The following ZMAT4 variants were observed in gnomAD, a reference collection of about 807,000 sequenced individuals.
ZMAT4 encodes the protein zinc finger matrin-type protein 4.
A neutral mutation model predicts 28.7 loss-of-function variants in ZMAT4; 17 were observed. The observed-to-expected ratio is 0.59, with a 90% CI of 0.41 to 0.89. ZMAT4 has a LOEUF of 0.89. Among genes scored for constraint, ZMAT4 ranks in the 40% least tolerant of loss-of-function variants. The pLI, the probability that ZMAT4 is intolerant of heterozygous loss-of-function variation, is 0.00. For synonymous variants in ZMAT4, 117 were observed against 109.2 expected (o/e 1.07, Z -0.44); for missense variants, 240 against 283.8 (o/e 0.85, Z 1.11).
chr8:40,892,402 C>G (rs1586236422), intron 1 of ZMAT4, among the ~76,000 whole-genome samples: 2 of 152,314 alleles, frequency 1.3e-5, no homozygotes, highest in Non-Finnish European at 2.9e-5. Flanking sequence ...GATGGGTCAG[C>G]AGCCCCTCCC....
rs78307607 is a variant in ZMAT4 at position 40,687,811 on chromosome 8, C to T, written c.349+9434G>A. Among the ~76,000 whole-genome samples the T allele has an allele frequency of 9.7e-3, 1,471 of 152,286 alleles. 13 individuals are homozygous for T. The highest frequency in any genetic ancestry group is 0.032 in the African/African-American group (1,316 of 41,558). ...AGGCATTAAGATTTCATCTGCTCTG[C>T]AGAGTGAAATGCAAAATGAAGATGC... On this transcript the variant is annotated intron_variant, in intron 4 of 6. Transcript: ENST00000297737.
At chr8:40,697,707 C>G (rs556779340) in intron 3 of ZMAT4, among the ~76,000 whole-genome samples, 1 of 151,096 alleles carries the variant, frequency 6.6e-6, no homozygotes, top group East Asian at 2.0e-4. Context: ...TATCCCTCCC[C>G]TAGCCCCCCC....
chr8:40,559,519 C>T (rs1803660614), intron 6 of ZMAT4, among the ~76,000 whole-genome samples: 1 of 152,154 alleles, frequency 6.6e-6, no homozygotes, highest in South Asian at 2.1e-4. Flanking sequence ...TAGCACAAAT[C>T]CTTGTGCCTC....
chr8:40,847,841 G>C (rs1002261011), intron 1 of ZMAT4, among the ~76,000 whole-genome samples: 3 of 152,166 alleles, frequency 2.0e-5, no homozygotes, highest in Non-Finnish European at 2.9e-5. Flanking sequence ...TAATCAAACC[G>C]ATGTCTGCAG....
intron 2 of ZMAT4, among the ~76,000 whole-genome samples, chr8:40,820,256 G>C (rs117117407): frequency 2.0e-5 from 3 of 148,932 alleles, no homozygotes; most frequent in Non-Finnish European, 4.5e-5. Context: ...ATATATGTGA[G>C]TATTGGTGTG....
chr8:40,683,005 C>T (rs1017004587), intron 4 of ZMAT4, among the ~76,000 whole-genome samples: 2 of 152,038 alleles, frequency 1.3e-5, no homozygotes, highest in African/African-American at 4.8e-5. Flanking sequence ...CATTCTTTGC[C>T]TTGAAATCAA....
chr8:40,677,589 T>C (rs150508530), intron 4 of ZMAT4, among the ~76,000 whole-genome samples: 2 of 152,308 alleles, frequency 1.3e-5, no homozygotes, highest in African/African-American at 4.8e-5. Flanking sequence ...GGAAGCTCTG[T>C]CCCTTCTACA....
chr8:40,720,730 T>C lies in ZMAT4; in HGVS notation c.193-23329A>G, dbSNP rs183473686. On this transcript the variant is annotated intron_variant, in intron 3 of 6. Coordinates refer to ENST00000297737, the MANE Select transcript of ZMAT4 (RefSeq NM_024645.3). ...CTCTAGAGACTGGGTTTCACCATGT[T>C]AGCCAGGCTGGTCTTGAACTCCTGA... is the stretch of plus-strand genomic sequence containing the variant. Among the ~76,000 whole-genome samples the C allele has an allele frequency of 4.6e-4, 70 of 152,058 alleles. 1 individual carries two copies. The highest frequency in any genetic ancestry group is 1.6e-3 in the African/African-American group (65 of 41,458).
At chr8:40,852,240 C>A (rs965268524) in intron 1 of ZMAT4, among the ~76,000 whole-genome samples, 2 of 152,124 alleles carry the variant, frequency 1.3e-5, no homozygotes, top group South Asian at 2.1e-4. Flanking sequence ...GCCTCTAGTA[C>A]CCTCTGTTCT....
chr8:40,767,813 A>G, intron 2 of ZMAT4, 83 bp from the exon 3 acceptor site: 20 of 1,103,478 alleles, frequency 1.8e-5, no homozygotes, highest in Non-Finnish European at 2.5e-5. Flanking sequence ...CCGCAAATGC[A>G]AAAAGAAATG....
At chr8:40,762,458 C>A (rs1812981332) in intron 3 of ZMAT4, among the ~76,000 whole-genome samples, 2 of 151,972 alleles carry the variant, frequency 1.3e-5, no homozygotes, top group South Asian at 4.2e-4. Flanking sequence ...AGTTCAAGAC[C>A]AACCAGGGAA....
At chr8:40,621,928 G>C (rs1011934353) in intron 5 of ZMAT4, among the ~76,000 whole-genome samples, 1 of 152,180 alleles carries the variant, frequency 6.6e-6, no homozygotes, top group African/African-American at 2.4e-5. Flanking sequence ...ACTAACAGCA[G>C]TTATGGGGTG....
rs568469960 is a variant in ZMAT4, at chr8:40,865,050, A to G, written c.-5+32633T>C. Among the ~76,000 whole-genome samples, 3 of 152,278 alleles carry G rather than the reference A, an allele frequency of 2.0e-5. No homozygotes were observed. The South Asian group carries it at 6.2e-4, about 32-fold the overall frequency. ...GAATTCTGTGCAAGGTCAAGCAAAA[A>G]TGTGAAATTAAATCTTACTGGCAAA... is the stretch of plus-strand genomic sequence containing the variant. On this transcript the variant is annotated intron_variant, in intron 1 of 6. Transcript: ENST00000297737.
chr8:40,764,911 A>G (rs774277590), intron 3 of ZMAT4, among the ~76,000 whole-genome samples: 18 of 152,090 alleles, frequency 1.2e-4, no homozygotes, highest in Non-Finnish European at 2.4e-4. Context: ...AGCTCACTGC[A>G]GCCTCTGATT....
intron 2 of ZMAT4, among the ~76,000 whole-genome samples, chr8:40,791,955 G>A (rs1240037184): frequency 1.3e-5 from 2 of 152,288 alleles, no homozygotes; most frequent in South Asian, 4.1e-4. Context: ...CGGGTGGGTT[G>A]CTTCAAAATC....
chr8:40,878,652 T>C (rs1011743038), intron 1 of ZMAT4, among the ~76,000 whole-genome samples: 1 of 152,246 alleles, frequency 6.6e-6, no homozygotes, highest in Admixed American at 6.5e-5. Context: ...CTCTGTTAAG[T>C]AGCCCGTTCC....
At chr8:40,575,381 C>A (rs1336071422) in intron 6 of ZMAT4, among the ~76,000 whole-genome samples, 3 of 152,114 alleles carry the variant, frequency 2.0e-5, no homozygotes, top group Non-Finnish European at 4.4e-5. Context: ...AGAGAAACAG[C>A]TTGAAAGCTT....
chr8:40,750,671 A>G (rs886521659), intron 3 of ZMAT4, among the ~76,000 whole-genome samples: 4 of 152,358 alleles, frequency 2.6e-5, no homozygotes, highest in Admixed American at 2.6e-4. Context: ...GTCAGGAAAG[A>G]TATACTGGAG....
intron 3 of ZMAT4, among the ~76,000 whole-genome samples, chr8:40,746,653 C>T (rs968421029): frequency 1.3e-5 from 2 of 152,066 alleles, no homozygotes; most frequent in Admixed American, 6.5e-5. Flanking sequence ...CCATGCCCGG[C>T]CCAGTTTTAC....
Sources: gnomAD v4.1 joint callset for allele counts (sites outside exome capture counted in the v4.1 genomes callset) on GRCh38, gnomAD v4.1.1 for gene constraint, MANE v1.5 for transcripts, NCBI Gene and HGNC (gene_info 2026-07-23, HGNC 2026-07-21) for gene names.